PTK2B: variants seen among roughly 807,000 people sequenced by gnomAD.
The protein encoded by PTK2B is protein tyrosine kinase 2 beta, also known as protein-tyrosine kinase 2-beta.
PTK2B carries 71 observed loss-of-function variants against 142.9 expected under a neutral mutation model. That is an observed-to-expected ratio of 0.50 (90% CI 0.41 to 0.61). The LOEUF (loss-of-function observed/expected upper bound fraction) is 0.61, where lower values mean the gene tolerates loss of function less well. Among genes scored for constraint, PTK2B ranks in the 20% least tolerant of loss-of-function variants. The probability of loss-of-function intolerance (pLI) is 0.00; values close to 1 mark genes in which losing one functional copy is unlikely to be tolerated. For synonymous variants in PTK2B, 519 were observed against 503.4 expected, an observed-to-expected ratio of 1.03 and a Z score of -0.42; for missense variants, 1,105 against 1,320.4, an observed-to-expected ratio of 0.84 and a Z score of 2.53.
intron 16 of PTK2B, 54 bp downstream of exon 16, chr8:27,437,260 G>T: frequency 6.4e-7 from 1 of 1,572,146 alleles, no homozygotes; most frequent in African/African-American, 1.4e-5. Flanking sequence ...CTTCAGCCTG[G>T]GAAGAGAGGG....
intron 6 of PTK2B, 47 bp downstream of exon 6, chr8:27,430,202 G>A: frequency 6.3e-7 from 1 of 1,590,766 alleles, no homozygotes; most frequent in Non-Finnish European, 8.6e-7. Flanking sequence ...GTCCTTCCAT[G>A]TGTACTTTTC....
At position 27,384,179 on chromosome 8, in the gene PTK2B, T is replaced by C. The variant is rs548453934; in HGVS notation, c.-37-13369T>C. Among the ~76,000 whole-genome samples the C allele has an allele frequency of 1.4e-4, 22 of 152,056 alleles. No individual in the cohort carries two copies. In the South Asian group the frequency reaches 4.2e-3, roughly 29 times the overall value. ...ACCTGGCAAATTTTTAAATGTTTTGTAGAAACATGGTCTCCCTATTTGTGC... is the reference window on the plus strand; with the variant it reads ...ACCTGGCAAATTTTTAAATGTTTTGCAGAAACATGGTCTCCCTATTTGTGC... On this transcript the variant is annotated intron_variant, in intron 1 of 30. Transcript: ENST00000346049.
intron 1 of PTK2B, among the ~76,000 whole-genome samples, chr8:27,388,570 G>A (rs567839696): frequency 5.3e-5 from 8 of 152,340 alleles, no homozygotes; most frequent in African/African-American, 1.9e-4. Context: ...GGGACCCTGA[G>A]ATCTGCCCTT....
intron 27 of PTK2B, 74 bp downstream of exon 27, chr8:27,451,583 C>A (rs1394115963): frequency 1.2e-6 from 2 of 1,610,934 alleles, no homozygotes; most frequent in Non-Finnish European, 1.7e-6. Context: ...TGCCCACCGC[C>A]CAGGGCAGGG....
Position 27,314,176 on chromosome 8 carries a change from C to T in PTK2B, c.-414+889C>T, listed in dbSNP as rs374150439. On this transcript the variant is annotated intron_variant, in intron 3 of 35. Transcript: ENST00000397501. Reference sequence around the variant, plus strand: ...CATACCCTTTTGTTCAATCATATTTCTACACAGCTACTCATACTTTGCTGA... The same window carrying T: ...CATACCCTTTTGTTCAATCATATTTTTACACAGCTACTCATACTTTGCTGA... Among the ~76,000 whole-genome samples, 13 of 152,378 alleles carry T rather than the reference C, an allele frequency of 8.5e-5. No homozygotes were observed. In the South Asian group the frequency reaches 2.1e-3, roughly 24 times the overall value.
intron 1 of PTK2B, among the ~76,000 whole-genome samples, chr8:27,358,830 A>C (rs1032041428): frequency 6.6e-6 from 1 of 152,122 alleles, no homozygotes; most frequent in Non-Finnish European, 1.5e-5. Context: ...TTTTAATGGA[A>C]AAATAGGTTA....
At chr8:27,331,790 A>G (rs918274168) in intron 1 of PTK2B, among the ~76,000 whole-genome samples, 12 of 152,126 alleles carry the variant, frequency 7.9e-5, no homozygotes, top group Non-Finnish European at 4.4e-5. Context: ...CCCTAAATTA[A>G]TGTACTGATT....
Position 27,450,738 on chromosome 8 carries a change from C to G in PTK2B, c.2341-11C>G, listed in dbSNP as rs201296273. On this transcript the variant is annotated splice_polypyrimidine_tract_variant and intron_variant, in intron 24 of 30. Coordinates refer to ENST00000346049, the MANE Select transcript of PTK2B (RefSeq NM_173176.3). Reference sequence around the variant, plus strand: ...ATTGCATCCTCTCCCTTCTCTCTGCCGTCCTCCCAGGAGGAGGACTTCATC... The same window carrying G: ...ATTGCATCCTCTCCCTTCTCTCTGCGGTCCTCCCAGGAGGAGGACTTCATC... 2.4e-5 allele frequency: 39 copies of G among 1,613,820 alleles called. No homozygotes were observed. The highest frequency in any genetic ancestry group is 3.1e-5 in the Non-Finnish European group (37 of 1,179,888).
intron 4 of PTK2B, 72 bp from the exon 5 acceptor site, chr8:27,422,232 C>A: frequency 1.4e-6 from 2 of 1,422,354 alleles, no homozygotes; most frequent in Non-Finnish European, 1.9e-6. Context: ...GGCCCTTAAT[C>A]TTCTGAGGCC....
chr8:27,368,102 G>A (rs370203424), intron 1 of PTK2B, among the ~76,000 whole-genome samples: 5 of 152,368 alleles, frequency 3.3e-5, no homozygotes, highest in East Asian at 1.9e-4. Context: ...GCCCTTGTTA[G>A]CAGACGCCAG....
In PTK2B at chr8:27,375,815, C is replaced by T. The variant is rs74496935; in HGVS notation, c.-37-21733C>T. 5.3e-3 allele frequency among the ~76,000 whole-genome samples: 809 copies of T among 152,314 alleles called. 9 individuals are homozygous for T. The highest frequency in any genetic ancestry group is 0.037 in the East Asian group (191 of 5,178). ...TGTCTGGTTTAGTATTCTGCCTGTA[C>T]GACCTGTTTGTTCTCAGAAGAGCCG... On this transcript the variant is annotated intron_variant, in intron 1 of 30. Transcript: ENST00000346049.
intron 2 of PTK2B, among the ~76,000 whole-genome samples, chr8:27,414,608 G>GTGTGTGTGTGTGTATGTGTGTGTGTT (rs1554500878): frequency 0.032 from 4,712 of 148,492 alleles, 218 homozygotes; most frequent in African/African-American, 0.099. Flanking sequence ...CTCTCTCTCT[G>GTGTGTGTGTGTGTATGTGTGTGTGTT]TGTGTGTGTG....
At chr8:27,347,069 G>T (rs1804754261) in intron 1 of PTK2B, among the ~76,000 whole-genome samples, 1 of 152,106 alleles carries the variant, frequency 6.6e-6, no homozygotes, top group Non-Finnish European at 1.5e-5. Flanking sequence ...CAATGATTCT[G>T]TTGCCATCTT....
intron 1 of PTK2B, among the ~76,000 whole-genome samples, chr8:27,372,625 G>A (rs1184854364): frequency 6.6e-6 from 1 of 152,092 alleles, no homozygotes; most frequent in Non-Finnish European, 1.5e-5. Flanking sequence ...CAAATATCTG[G>A]GTACTCCATA....
At chr8:27,322,615 A>G (rs1285130408), upstream of PTK2B, 3 of 152,198 alleles carry the variant, frequency 2.0e-5, no homozygotes, top group Non-Finnish European at 4.4e-5. Context: ...GGGCTTCACA[A>G]TACCCTGGGA....
chr8:27,420,904 G>A (rs74493758), intron 4 of PTK2B, among the ~76,000 whole-genome samples, 160 bp downstream of exon 4: 2,731 of 152,230 alleles, frequency 0.018, 89 homozygotes, highest in African/African-American at 0.061. Flanking sequence ...TATGGTCCGC[G>A]GCTCCAACCC....
At chr8:27,435,601 G>C in intron 13 of PTK2B, 142 bp from the exon 14 acceptor site, 1 of 958,170 alleles carries the variant, frequency 1.0e-6, no homozygotes, top group South Asian at 1.5e-5. Flanking sequence ...TAAAACCTGG[G>C]CTGGGAGCCC....
rs1271709767 is a variant in PTK2B at position 27,437,166 on chromosome 8, C to T, written c.1386C>T (p.Asp462=). 6.2e-7 allele frequency: 1 copy of T among 1,614,096 alleles called. No individual in the cohort carries two copies. ...INVAVKTCKK[D]CTLDNKEKFM... Reference sequence around the variant, plus strand: ...TAGCTGTCAAGACCTGCAAGAAAGACTGCACTCTGGACAACAAGGAGAAGT... The same window carrying T: ...TAGCTGTCAAGACCTGCAAGAAAGATTGCACTCTGGACAACAAGGAGAAGT... Residue 462 remains aspartate, a synonymous_variant, in exon 16 of 31, where the codon GAC becomes GAT. Transcript: ENST00000346049.
At chr8:27,450,696 G>A in intron 24 of PTK2B, 53 bp from the exon 25 acceptor site, 1 of 1,606,240 alleles carries the variant, frequency 6.2e-7, no homozygotes. Context: ...CCCTCCCTGA[G>A]TCTGAGAGCA....
Sources: allele counts gnomAD v4.1 joint callset (sites outside exome capture counted in the v4.1 genomes callset), GRCh38; gene constraint gnomAD v4.1.1; transcripts MANE v1.5; gene names NCBI Gene and HGNC (gene_info 2026-07-23, HGNC 2026-07-21).